RBFOX1: variants seen among roughly 807,000 people sequenced by gnomAD.
RBFOX1 encodes the protein RNA binding fox-1 homolog 1.
RBFOX1 carries 8 observed loss-of-function variants against 57.7 expected under a neutral mutation model. The observed-to-expected ratio is 0.14, with a 90% confidence interval of 0.08 to 0.25. RBFOX1 has a LOEUF of 0.25. Ranked by LOEUF, RBFOX1 falls within the 10% of genes least tolerant of loss-of-function variation. The pLI is 1.00. For synonymous variants in RBFOX1, 326 were observed against 222.4 expected (o/e 1.47, Z -4.15); for missense variants, 611 against 548.5 (o/e 1.11, Z -1.14).
intron 4 of RBFOX1, among the ~76,000 whole-genome samples, chr16:7,140,300 G>C (rs1370009466): frequency 9.2e-6 from 1 of 108,374 alleles, no homozygotes; most frequent in African/African-American, 3.6e-5. Flanking sequence ...GTTTTTTAAA[G>C]GTCACCTTCT....
chr16:7,254,668 G>A (rs970011229), intron 4 of RBFOX1, among the ~76,000 whole-genome samples: 1 of 151,978 alleles, frequency 6.6e-6, no homozygotes, highest in East Asian at 1.9e-4. Context: ...GGAGGTGAAA[G>A]CCATTCAAAT....
intron 3 of RBFOX1, among the ~76,000 whole-genome samples, chr16:5,620,300 T>G (rs2048164745): frequency 6.6e-6 from 1 of 151,860 alleles, no homozygotes; most frequent in Admixed American, 6.6e-5. Flanking sequence ...CTCACTCTCT[T>G]CCCCACATTG....
intron 4 of RBFOX1, among the ~76,000 whole-genome samples, chr16:7,381,000 C>G (rs560803293): frequency 6.6e-6 from 1 of 152,146 alleles, no homozygotes; most frequent in East Asian, 1.9e-4. Flanking sequence ...TCCTAGTGTT[C>G]TGTCTTGCAT....
At chr16:7,586,719 T>C (rs1399331957) in intron 6 of RBFOX1, among the ~76,000 whole-genome samples, 12 of 152,240 alleles carry the variant, frequency 7.9e-5, no homozygotes, top group Non-Finnish European at 1.5e-5. Flanking sequence ...TCACAACTGC[T>C]GATACCATCA....
chr16:5,992,491 G>C lies in RBFOX1; in HGVS notation c.351+125156G>C, dbSNP rs146730829. Among the ~76,000 whole-genome samples the C allele has an allele frequency of 3.3e-5, 5 of 152,298 alleles. No individual in the cohort carries two copies. In the South Asian group the frequency reaches 8.3e-4, roughly 25 times the overall value. On this transcript the variant is annotated intron_variant, in intron 4 of 19. Transcript: ENST00000641259. ...AGGATCCCCCAACTTAGATCTTGCA[G>C]GTTTTTCCTGCAACTGGTATGAGTC...
At chr16:7,204,309 G>A (rs560124446) in intron 4 of RBFOX1, among the ~76,000 whole-genome samples, 2 of 152,282 alleles carry the variant, frequency 1.3e-5, no homozygotes, top group African/African-American at 4.8e-5. Context: ...TCTGAGGGAG[G>A]ACAGGATTGC....
At chr16:7,110,911 C>G (rs567023008) in intron 4 of RBFOX1, among the ~76,000 whole-genome samples, 1 of 152,236 alleles carries the variant, frequency 6.6e-6, no homozygotes, top group East Asian at 1.9e-4. Flanking sequence ...AGATTTTTAA[C>G]TTTGGGTAGT....
At chr16:7,538,797 C>T (rs559888209) in intron 5 of RBFOX1, among the ~76,000 whole-genome samples, 1 of 152,022 alleles carries the variant, frequency 6.6e-6, no homozygotes, top group Non-Finnish European at 1.5e-5. Context: ...CAAGGTTTCC[C>T]ACAGATGTCT....
chr16:6,844,735 G>A (rs1408804466), intron 3 of RBFOX1, among the ~76,000 whole-genome samples: 1 of 152,080 alleles, frequency 6.6e-6, no homozygotes, highest in Non-Finnish European at 1.5e-5. Flanking sequence ...TGGTATTTCT[G>A]CATCTAGGTC....
chr16:6,001,687 C>T (rs1320178812), intron 4 of RBFOX1, among the ~76,000 whole-genome samples: 1 of 152,112 alleles, frequency 6.6e-6, no homozygotes, highest in Non-Finnish European at 1.5e-5. Flanking sequence ...TTAATGTTTT[C>T]ATTTCAAAAT....
At chr16:6,093,988 T>C (rs944450398) in intron 1 of RBFOX1, among the ~76,000 whole-genome samples, 2 of 152,180 alleles carry the variant, frequency 1.3e-5, no homozygotes, top group Non-Finnish European at 2.9e-5. Context: ...AAAAGAGAAA[T>C]CATGCCGCTT....
At chr16:6,458,186 C>G (rs2094823671) in intron 2 of RBFOX1, among the ~76,000 whole-genome samples, 1 of 152,192 alleles carries the variant, frequency 6.6e-6, no homozygotes, top group African/African-American at 2.4e-5. Flanking sequence ...TAGCAGAACT[C>G]TGTGTTATCC....
chr16:6,841,219 T>G (rs908230789), intron 3 of RBFOX1, among the ~76,000 whole-genome samples: 3 of 152,152 alleles, frequency 2.0e-5, no homozygotes, highest in Admixed American at 6.5e-5. Flanking sequence ...TTATAAACAT[T>G]ATAATAATGG....
At chr16:5,970,988 A>G (rs2059950255) in intron 4 of RBFOX1, among the ~76,000 whole-genome samples, 1 of 152,172 alleles carries the variant, frequency 6.6e-6, no homozygotes, top group Admixed American at 6.5e-5. Flanking sequence ...CTCATTCCAC[A>G]AGGAGACATC....
At chr16:7,072,171 T>A (rs1306871080) in intron 4 of RBFOX1, among the ~76,000 whole-genome samples, 1 of 152,230 alleles carries the variant, frequency 6.6e-6, no homozygotes, top group Non-Finnish European at 1.5e-5. Context: ...TAATTATTAA[T>A]AGCACTTTCT....
At chr16:5,448,681 G>A (rs1245635475) in intron 1 of RBFOX1, among the ~76,000 whole-genome samples, 4 of 152,172 alleles carry the variant, frequency 2.6e-5, no homozygotes, top group Non-Finnish European at 5.9e-5. Context: ...CCGTGTAGCA[G>A]AGCTCAATGT....
At chr16:7,664,078 G>A (rs983576553) in intron 12 of RBFOX1, among the ~76,000 whole-genome samples, 1 of 152,140 alleles carries the variant, frequency 6.6e-6, no homozygotes, top group African/African-American at 2.4e-5. Context: ...GTTTAGTCTA[G>A]ATATAATTTA....
intron 4 of RBFOX1, among the ~76,000 whole-genome samples, chr16:7,455,785 C>CAAAAAAAA (rs369544031): frequency 7.2e-5 from 6 of 82,782 alleles, no homozygotes; most frequent in East Asian, 4.1e-4. Flanking sequence ...GACTCCATCT[C>CAAAAAAAA]AAAAAAAAAA....
intron 1 of RBFOX1, among the ~76,000 whole-genome samples, chr16:5,426,502 C>G (rs2067564089): frequency 1.3e-5 from 2 of 152,200 alleles, no homozygotes; most frequent in Non-Finnish European, 2.9e-5. Flanking sequence ...CCCCTCAGGT[C>G]AGCACAGAGC....
Sources: allele counts gnomAD v4.1 joint callset (sites outside exome capture counted in the v4.1 genomes callset), GRCh38; gene constraint gnomAD v4.1.1; transcripts MANE v1.5; gene names NCBI Gene and HGNC (gene_info 2026-07-23, HGNC 2026-07-21).